Variants in GRIP1 observed in about 807,000 individuals in gnomAD.
GRIP1 encodes the protein glutamate receptor interacting protein 1.
Under a neutral mutation model 129.9 loss-of-function variants are expected in GRIP1, and 45 were observed. The ratio of observed to expected loss-of-function variants is 0.35; its 90% CI spans 0.27 to 0.44. The LOEUF is 0.44. Ranked by LOEUF, GRIP1 falls within the 20% of genes least tolerant of loss-of-function variation. The pLI is 1.00. For missense variants in GRIP1, 1,196 were observed against 1,396.8 expected (o/e 0.86, Z 2.29); for synonymous variants, 530 against 520.8 (o/e 1.02, Z -0.24).
chr12:66,837,859 C>A (rs1223953221), intron 1 of GRIP1, among the ~76,000 whole-genome samples: 1 of 152,084 alleles, frequency 6.6e-6, no homozygotes, highest in African/African-American at 2.4e-5. Flanking sequence ...AGGGATGAGT[C>A]TCTAGATTTT....
intron 2 of GRIP1, among the ~76,000 whole-genome samples, chr12:66,578,159 T>C (rs1251596701): frequency 2.0e-5 from 3 of 150,256 alleles, no homozygotes; most frequent in African/African-American, 4.9e-5. Context: ...CCCAGCATTT[T>C]GGGAAGCCAA....
At chr12:66,536,235 C>T (rs754135540) in intron 4 of GRIP1, among the ~76,000 whole-genome samples, 13 of 152,170 alleles carry the variant, frequency 8.5e-5, no homozygotes, top group Non-Finnish European at 1.6e-4. Flanking sequence ...CTACCCTGGT[C>T]TCTTACAGTC....
intron 1 of GRIP1, among the ~76,000 whole-genome samples, chr12:66,691,294 A>C (rs1203913183): frequency 6.6e-6 from 1 of 152,192 alleles, no homozygotes; most frequent in Non-Finnish European, 1.5e-5. Flanking sequence ...AGCACAAACT[A>C]TTAGAAACAT....
chr12:66,481,531 T>A (rs150122098), intron 7 of GRIP1, among the ~76,000 whole-genome samples: 40,257 of 152,062 alleles, frequency 0.26, 5,538 homozygotes, highest in Middle Eastern at 0.43. Flanking sequence ...ATTGTGGAAG[T>A]CAGTGTGGCA....
At chr12:66,767,734 T>C (rs1041954752) in intron 1 of GRIP1, among the ~76,000 whole-genome samples, 3 of 152,264 alleles carry the variant, frequency 2.0e-5, no homozygotes, top group Admixed American at 1.3e-4. Context: ...CGTGACTCAA[T>C]TGAGATGTAG....
chr12:66,587,384 T>A (rs1330427663), intron 2 of GRIP1, among the ~76,000 whole-genome samples: 1 of 152,350 alleles, frequency 6.6e-6, no homozygotes, highest in South Asian at 2.1e-4. Flanking sequence ...ATGGACCCCA[T>A]AACTTTCTGC....
At chr12:66,450,410 G>A (rs932344848) in intron 11 of GRIP1, among the ~76,000 whole-genome samples, 7 of 147,824 alleles carry the variant, frequency 4.7e-5, no homozygotes, top group Non-Finnish European at 8.9e-5. Context: ...CCTTCTCAAA[G>A]GAAAGACTTG....
intron 1 of GRIP1, among the ~76,000 whole-genome samples, chr12:66,868,226 G>C (rs921551194): frequency 3.3e-5 from 5 of 152,036 alleles, no homozygotes; most frequent in Admixed American, 1.3e-4. Context: ...CTGTTGACCA[G>C]ATAAAACAGA....
chr12:66,480,964 G>A (rs536359517), intron 7 of GRIP1, among the ~76,000 whole-genome samples: 20 of 152,216 alleles, frequency 1.3e-4, no homozygotes, highest in African/African-American at 4.6e-4. Flanking sequence ...AACTCTAGAA[G>A]AAAACCTAGG....
intron 1 of GRIP1, among the ~76,000 whole-genome samples, chr12:66,781,886 C>CAT (rs2038172539): frequency 1.3e-5 from 2 of 152,290 alleles, no homozygotes; most frequent in South Asian, 4.1e-4. Context: ...CAAAGCTGAA[C>CAT]ATATGCATGT....
intron 1 of GRIP1, among the ~76,000 whole-genome samples, chr12:66,982,794 T>C (rs1471847833): frequency 6.6e-6 from 1 of 152,208 alleles, no homozygotes; most frequent in African/African-American, 2.4e-5. Flanking sequence ...AAGCTGTTAC[T>C]GGATTTCTGA....
At chr12:66,455,062 T>C (rs2058917224) in intron 11 of GRIP1, among the ~76,000 whole-genome samples, 1 of 152,160 alleles carries the variant, frequency 6.6e-6, no homozygotes, top group Admixed American at 6.5e-5. Flanking sequence ...AGGTTTCATG[T>C]CCAAAGCCAC....
chr12:66,575,128 G>A (rs2063100914), intron 2 of GRIP1, among the ~76,000 whole-genome samples: 1 of 152,048 alleles, frequency 6.6e-6, no homozygotes, highest in African/African-American at 2.4e-5. Context: ...TCCTATTCCT[G>A]GTGACACCCT....
chr12:66,551,387 T>A (rs1206522178), intron 2 of GRIP1, among the ~76,000 whole-genome samples: 2 of 152,224 alleles, frequency 1.3e-5, no homozygotes, highest in Admixed American at 6.5e-5. Context: ...AGGCTACAGA[T>A]GGCTATTTAG....
chr12:66,833,634 C>T (rs905669282), intron 1 of GRIP1, among the ~76,000 whole-genome samples: 4 of 152,156 alleles, frequency 2.6e-5, no homozygotes, highest in Non-Finnish European at 4.4e-5. Flanking sequence ...CAACACTGGA[C>T]CCTTATCACC....
chr12:66,687,379 T>C (rs4283063), intron 1 of GRIP1, among the ~76,000 whole-genome samples: 55,505 of 151,878 alleles, frequency 0.37, 11,208 homozygotes, highest in South Asian at 0.47. Context: ...AAATTAAACA[T>C]GGGCAATAGG....
chr12:66,692,458 G>A (rs541752485), intron 1 of GRIP1, among the ~76,000 whole-genome samples: 1 of 152,210 alleles, frequency 6.6e-6, no homozygotes, highest in South Asian at 2.1e-4. Flanking sequence ...AACTAGTCAG[G>A]AGACAAAAGA....
At chr12:66,752,905 A>G (rs567635328) in intron 1 of GRIP1, among the ~76,000 whole-genome samples, 14 of 152,346 alleles carry the variant, frequency 9.2e-5, no homozygotes, top group Non-Finnish European at 1.6e-4. Flanking sequence ...TAGAATAAAT[A>G]TAACATCTAT....
At chr12:66,717,382 GT>G (rs1490001066) in intron 1 of GRIP1, among the ~76,000 whole-genome samples, 1 of 106,382 alleles carries the variant, frequency 9.4e-6, no homozygotes, top group Non-Finnish European at 1.9e-5. Context: ...TTTGCTCACT[GT>G]AAAAAAAAAA....
Sources: allele counts gnomAD v4.1 joint callset (sites outside exome capture counted in the v4.1 genomes callset), GRCh38; gene constraint gnomAD v4.1.1; transcripts MANE v1.5; gene names NCBI Gene and HGNC (gene_info 2026-07-23, HGNC 2026-07-21).